Variants in SLC25A18 observed in about 807,000 individuals in gnomAD.
SLC25A18 encodes solute carrier family 25 member 18.
Under a neutral mutation model 31.1 loss-of-function variants are expected in SLC25A18, and 24 were observed. The ratio of observed to expected loss-of-function variants is 0.77; its 90% CI spans 0.56 to 1.08. The LOEUF (loss-of-function observed/expected upper bound fraction) is 1.08, where lower values mean the gene tolerates loss of function less well. Ranked by LOEUF, SLC25A18 falls within the 50% of genes least tolerant of loss-of-function variation. The pLI is 0.00. For missense variants in SLC25A18, 371 were observed against 418.5 expected (o/e 0.89, Z 0.99); for synonymous variants, 173 against 161.9 (o/e 1.07, Z -0.52).
At chr22:17,574,056 C>T (rs1457587865) in intron 2 of SLC25A18, among the ~76,000 whole-genome samples, 1 of 152,154 alleles carries the variant, frequency 6.6e-6, no homozygotes, top group African/African-American at 2.4e-5. Context: ...ATGGCAAAAC[C>T]CATCTCTACA....
rs778445361 is a variant in SLC25A18, at chr22:17,587,248, C to T, written c.522C>T (p.Leu174=). 6.2e-7 allele frequency: 1 copy of T among 1,614,052 alleles called. No homozygotes were observed. The highest frequency in any genetic ancestry group is 1.7e-5 in the Admixed American group (1 of 60,018). ...PSATLIAWEL[L]RTQGLAGLYR... ...CCACCCTCATTGCCTGGGAGCTGCT[C>T]CGCACTCAGGGCCTGGCTGGGCTCT... Residue 174 remains leucine (L), a synonymous_variant, in exon 8 of 11, where the codon CTC becomes CTT. Transcript: ENST00000327451.
In SLC25A18 at chr22:17,579,728, C is replaced by G. The variant is rs2057323142; in HGVS notation, c.-200-17C>G. The G allele has an allele frequency of 7.2e-7, 1 of 1,379,724 alleles. No individual in the cohort carries two copies. The highest frequency in any genetic ancestry group is 9.4e-7 in the Non-Finnish European group (1 of 1,069,004). The allele number at this position is 1,379,724 out of a possible 1,614,324, so 85.5% of individuals were successfully genotyped here. On this transcript the variant is annotated splice_polypyrimidine_tract_variant and intron_variant, in intron 2 of 10. Transcript: ENST00000327451. ...TCGCCCATCTGTGAGGTGAGTGTTT[C>G]TCTGACTACTTTGCAGGGGAGGAAG...
At chr22:17,581,244 C>T (rs1007650358) in intron 4 of SLC25A18, 85 bp downstream of exon 4, 1 of 1,576,684 alleles carries the variant, frequency 6.3e-7, no homozygotes, top group Non-Finnish European at 8.6e-7. Flanking sequence ...AGGCAGCGCG[C>T]GTGAGCCTGG....
intron 2 of SLC25A18, among the ~76,000 whole-genome samples, chr22:17,574,751 A>T (rs2057186497): frequency 6.7e-6 from 1 of 149,532 alleles, no homozygotes. Flanking sequence ...CGAACTCCTG[A>T]CCTCCTGATC....
intron 7 of SLC25A18, among the ~76,000 whole-genome samples, chr22:17,584,694 C>T (rs1168843100): frequency 2.8e-5 from 4 of 141,388 alleles, no homozygotes; most frequent in Non-Finnish European, 4.5e-5. Flanking sequence ...GCAGGAGAAT[C>T]GCTTGAACAC....
chr22:17,582,020 A>G (rs1051318285), intron 5 of SLC25A18: 4 of 153,904 alleles, frequency 2.6e-5, no homozygotes, highest in African/African-American at 9.6e-5. Flanking sequence ...AGCAACAAAA[A>G]TAAAATGGCT....
intron 1 of SLC25A18, among the ~76,000 whole-genome samples, chr22:17,566,428 T>C (rs1042492986): frequency 3.3e-5 from 5 of 151,952 alleles, no homozygotes; most frequent in African/African-American, 7.3e-5. Context: ...TTTTTTTTTT[T>C]CCAACTGGAG....
intron 5 of SLC25A18, 64 bp from the exon 6 acceptor site, chr22:17,582,499 G>A (rs1308275918): frequency 1.4e-6 from 2 of 1,406,708 alleles, no homozygotes; most frequent in African/African-American, 1.4e-5. Context: ...GGGCTGAAGG[G>A]CAGACCTGGG....
At chr22:17,576,823 G>A (rs2057239699) in intron 2 of SLC25A18, among the ~76,000 whole-genome samples, 1 of 152,208 alleles carries the variant, frequency 6.6e-6, no homozygotes, top group Non-Finnish European at 1.5e-5. Context: ...ACATCTGTTA[G>A]CTATGCTATG....
chr22:17,574,940 C>T (rs556534986), intron 2 of SLC25A18, among the ~76,000 whole-genome samples: 1 of 151,946 alleles, frequency 6.6e-6, no homozygotes, highest in Non-Finnish European at 1.5e-5. Context: ...CAACCTCCGC[C>T]TCCCAGGTTC....
chr22:17,584,043 A>G (rs1219586040), intron 7 of SLC25A18: 27 of 984,850 alleles, frequency 2.7e-5, no homozygotes, highest in Non-Finnish European at 3.3e-5. Context: ...AGGGTCAGAA[A>G]ATACTTAAGG....
rs555755813 is a variant in SLC25A18 at position 17,570,962 on chromosome 22, G to A, written c.-201+976G>A. On this transcript the variant is annotated intron_variant, in intron 2 of 10. Transcript: ENST00000327451. ...GGGAGGAGGTGACGTCTGAGCTGAA[G>A]CCCAAAGAACAGTTTGTAAATCACT... 7.9e-5 allele frequency among the ~76,000 whole-genome samples: 12 copies of A among 152,334 alleles called. 1 individual carries two copies. The South Asian group carries it at 2.5e-3, about 32-fold the overall frequency.
At chr22:17,568,785 T>G (rs1015894172) in intron 1 of SLC25A18, among the ~76,000 whole-genome samples, 2 of 151,522 alleles carry the variant, frequency 1.3e-5, no homozygotes, top group Non-Finnish European at 2.9e-5. Flanking sequence ...ATGGTCTCAG[T>G]CTCCTGACCT....
In SLC25A18 at chr22:17,586,985, A is replaced by G. The variant is rs1407501026; in HGVS notation, c.410-151A>G. 30 of 894,044 alleles carry G rather than the reference A, an allele frequency of 3.4e-5. No homozygotes were observed. In the East Asian group the frequency reaches 7.4e-4, roughly 22 times the overall value. 55.4% of individuals were successfully genotyped at this position (894,044 alleles called of 1,614,324 possible). A position where few individuals can be genotyped will look rare whatever the true frequency, so the allele number is the denominator to read the frequency against. On this transcript the variant is annotated intron_variant, in intron 7 of 10. Transcript: ENST00000327451. ...GACGTCCTCAGAGCCAAAAATTAAC[A>G]TTCTAAAATTAGGACATTCTTCTGG...
chr22:17,587,445 T>C, intron 8 of SLC25A18, 144 bp downstream of exon 8: 2 of 1,143,980 alleles, frequency 1.7e-6, no homozygotes, highest in Non-Finnish European at 2.4e-6. Flanking sequence ...TCCTGTTTTG[T>C]CTGGAACTGG....
In SLC25A18 at chr22:17,581,166, G is replaced by A. The variant is rs2057361701; in HGVS notation, c.143+7G>A. The A allele has an allele frequency of 6.3e-7, 1 of 1,586,826 alleles. No individual in the cohort carries two copies. Among genetic ancestry groups the A allele is most frequent in the African/African-American group, 1.3e-5 (1 of 74,594 alleles). On this transcript the variant is annotated splice_region_variant and intron_variant, in intron 4 of 10. Coordinates refer to ENST00000327451, the MANE Select transcript of SLC25A18 (RefSeq NM_031481.3). ...AAGCCATGTACAAAGGAATGTAGGT[G>A]CTGGCAGGCGAGCGTGGAGGGCAGA...
chr22:17,581,139 GAAAGCCATGTAC>G lies in SLC25A18; in HGVS notation c.128_139del (p.Ala43_Lys46del). 1 of 1,598,566 alleles carries G rather than the reference GAAAGCCATGTAC, an allele frequency of 6.3e-7. No individual in the cohort carries two copies. Among genetic ancestry groups the G allele is most frequent in the East Asian group, 2.3e-5 (1 of 44,386 alleles). Reference sequence around the variant, plus strand: ...AGACTCGCCTGCAGAACCAGCATGGGAAAGCCATGTACAAAGGAATGTAGGTGCTGGCAGGCG... The same window carrying G: ...AGACTCGCCTGCAGAACCAGCATGGGAAAGGAATGTAGGTGCTGGCAGGCG... On this transcript the variant is annotated inframe_deletion, in exon 4 of 11. Coordinates refer to ENST00000327451, the MANE Select transcript of SLC25A18 (RefSeq NM_031481.3).
chr22:17,569,641 C>G (rs902907231), intron 1 of SLC25A18: 2 of 985,328 alleles, frequency 2.0e-6, no homozygotes, highest in African/African-American at 1.7e-5. Flanking sequence ...CACCCCCAAG[C>G]TGCCTTGTTA....
rs143538798 is a variant in SLC25A18 at position 17,573,967 on chromosome 22, C to T, written c.-201+3981C>T. 1.9e-3 allele frequency among the ~76,000 whole-genome samples: 286 copies of T among 152,356 alleles called. 1 individual carries two copies. The highest frequency in any genetic ancestry group is 5.9e-3 in the African/African-American group (245 of 41,584). On this transcript the variant is annotated intron_variant, in intron 2 of 10. Coordinates refer to ENST00000327451, the MANE Select transcript of SLC25A18 (RefSeq NM_031481.3). ...CCTTAAAAGCATTCAGTGTGGCTCA[C>T]GCCTGTAATCCCGACACTTCGGGAG... is the stretch of plus-strand genomic sequence containing the variant.
Sources: gnomAD v4.1 joint callset for allele counts (sites outside exome capture counted in the v4.1 genomes callset) on GRCh38, gnomAD v4.1.1 for gene constraint, MANE v1.5 for transcripts, NCBI Gene and HGNC (gene_info 2026-07-23, HGNC 2026-07-21) for gene names.